Variants in SLC2A13 observed in about 807,000 individuals in gnomAD.
The protein encoded by SLC2A13 is proton myo-inositol cotransporter.
Under a neutral mutation model 64.4 loss-of-function variants are expected in SLC2A13, and 32 were observed. The observed-to-expected ratio is 0.50, with a 90% CI of 0.37 to 0.67. The LOEUF (loss-of-function observed/expected upper bound fraction) is 0.67, where lower values mean the gene tolerates loss of function less well. Ranked by LOEUF, SLC2A13 falls within the 30% of genes least tolerant of loss-of-function variation. SLC2A13 has a pLI of 0.00. For synonymous variants in SLC2A13, 338 were observed against 327.1 expected (o/e 1.03, Z -0.36); for missense variants, 743 against 829.2 (o/e 0.90, Z 1.28).
intron 7 of SLC2A13, among the ~76,000 whole-genome samples, chr12:39,766,582 C>CT (rs1340124909): frequency 2.6e-5 from 4 of 152,044 alleles, no homozygotes; most frequent in Admixed American, 6.6e-5. Flanking sequence ...AATTGACTGA[C>CT]TTTTCCCTTC....
intron 6 of SLC2A13, among the ~76,000 whole-genome samples, chr12:39,833,529 T>G (rs1020808090): frequency 6.6e-6 from 1 of 152,000 alleles, no homozygotes; most frequent in Non-Finnish European, 1.5e-5. Flanking sequence ...CATATTTAGG[T>G]TTCTCTATTA....
At chr12:39,956,295 C>T (rs1004056657) in intron 3 of SLC2A13, among the ~76,000 whole-genome samples, 11 of 152,050 alleles carry the variant, frequency 7.2e-5, no homozygotes, top group Non-Finnish European at 1.5e-4. Flanking sequence ...TCAATGGTTG[C>T]CTGTGGAGGG....
chr12:39,884,815 G>T (rs1028322016), intron 4 of SLC2A13, among the ~76,000 whole-genome samples: 1 of 152,136 alleles, frequency 6.6e-6, no homozygotes, highest in Non-Finnish European at 1.5e-5. Context: ...CATGTCCCAA[G>T]ATTGAAAACA....
intron 6 of SLC2A13, 128 bp downstream of exon 6, chr12:39,864,634 C>A (rs1943855031): frequency 7.8e-7 from 1 of 1,279,618 alleles, no homozygotes; most frequent in Admixed American, 2.3e-5. Flanking sequence ...TTCCCATTTT[C>A]TTCCCTTCTT....
At chr12:39,839,313 C>T (rs1272576089) in intron 6 of SLC2A13, among the ~76,000 whole-genome samples, 2 of 151,972 alleles carry the variant, frequency 1.3e-5, no homozygotes, top group African/African-American at 2.4e-5. Context: ...GCATAGATGT[C>T]GGTTGATTTC....
chr12:39,968,442 C>T (rs1353987181), intron 3 of SLC2A13, among the ~76,000 whole-genome samples: 1 of 152,056 alleles, frequency 6.6e-6, no homozygotes, highest in Non-Finnish European at 1.5e-5. Flanking sequence ...CACAGCCAAA[C>T]ATATCACCTC....
intron 3 of SLC2A13, among the ~76,000 whole-genome samples, chr12:39,997,155 C>T (rs186841036): frequency 2.0e-5 from 3 of 152,102 alleles, no homozygotes; most frequent in Non-Finnish European, 4.4e-5. Flanking sequence ...ACCACAGTCA[C>T]CAAAACAGCA....
At chr12:39,938,347 T>C (rs192558161) in intron 4 of SLC2A13, among the ~76,000 whole-genome samples, 52 of 152,156 alleles carry the variant, frequency 3.4e-4, no homozygotes, top group African/African-American at 1.2e-3. Flanking sequence ...AAAGGTTGTA[T>C]TAATATTTGA....
At chr12:40,026,680 A>C (rs1401971792) in intron 3 of SLC2A13, among the ~76,000 whole-genome samples, 1 of 152,232 alleles carries the variant, frequency 6.6e-6, no homozygotes, top group Non-Finnish European at 1.5e-5. Flanking sequence ...ATTAAGAAAA[A>C]TACAGGCTCT....
chr12:39,926,878 G>T (rs528429189), intron 4 of SLC2A13, among the ~76,000 whole-genome samples: 1 of 152,286 alleles, frequency 6.6e-6, no homozygotes, highest in East Asian at 1.9e-4. Context: ...GCCTCCCAAA[G>T]TGTTGGGAAA....
intron 1 of SLC2A13, among the ~76,000 whole-genome samples, chr12:40,094,563 C>T (rs1289946312): frequency 6.6e-6 from 1 of 152,124 alleles, no homozygotes; most frequent in Non-Finnish European, 1.5e-5. Context: ...GAAGACAGTC[C>T]TTGCACTGAC....
intron 6 of SLC2A13, among the ~76,000 whole-genome samples, chr12:39,841,142 C>T (rs1943167428): frequency 6.6e-6 from 1 of 152,014 alleles, no homozygotes; most frequent in East Asian, 1.9e-4. Context: ...GAGTTAGATG[C>T]AAAAAATTTT....
chr12:40,001,551 T>G (rs1947321754), intron 3 of SLC2A13, among the ~76,000 whole-genome samples: 1 of 152,072 alleles, frequency 6.6e-6, no homozygotes, highest in Admixed American at 6.6e-5. Context: ...ATAAAGAAAA[T>G]GAAACTTGGT....
At chr12:39,942,940 C>CTGTGGA (rs1256275260) in intron 4 of SLC2A13, among the ~76,000 whole-genome samples, 1 of 152,084 alleles carries the variant, frequency 6.6e-6, no homozygotes, top group East Asian at 1.9e-4. Flanking sequence ...TGGAGTTTCT[C>CTGTGGA]TGTGGATGTC....
At chr12:40,100,200 G>A (rs917394624) in intron 1 of SLC2A13, among the ~76,000 whole-genome samples, 4 of 152,146 alleles carry the variant, frequency 2.6e-5, no homozygotes, top group Admixed American at 6.5e-5. Context: ...GAGGGAGTCC[G>A]GAAAGAGGCT....
intron 4 of SLC2A13, among the ~76,000 whole-genome samples, chr12:39,918,823 A>C (rs999932553): frequency 1.3e-5 from 2 of 149,452 alleles, no homozygotes; most frequent in African/African-American, 5.0e-5. Context: ...ACTGCACTCC[A>C]GCCTGGTGAC....
chr12:39,979,230 G>T (rs1342149339), intron 3 of SLC2A13, among the ~76,000 whole-genome samples: 4 of 120,726 alleles, frequency 3.3e-5, no homozygotes, highest in Non-Finnish European at 7.0e-5. Context: ...GGAAAAAACA[G>T]AACAGAAAAA....
chr12:39,904,206 G>A (rs577915301), intron 4 of SLC2A13, among the ~76,000 whole-genome samples: 15 of 152,124 alleles, frequency 9.9e-5, no homozygotes, highest in Non-Finnish European at 2.2e-4. Flanking sequence ...TTGTTTACCA[G>A]GGAAGTTCAT....
chr12:39,794,230 C>CT (rs1941502398), intron 7 of SLC2A13, among the ~76,000 whole-genome samples: 1 of 148,934 alleles, frequency 6.7e-6, no homozygotes, highest in African/African-American at 2.5e-5. Context: ...CCCTTTGTTG[C>CT]TTTTGTGTTT....
Sources: allele counts gnomAD v4.1 joint callset (sites outside exome capture counted in the v4.1 genomes callset), GRCh38; gene constraint gnomAD v4.1.1; transcripts MANE v1.5; gene names NCBI Gene and HGNC (gene_info 2026-07-23, HGNC 2026-07-21).